Variants in LYPLAL1 observed in about 807,000 individuals in gnomAD.
The protein encoded by LYPLAL1 is lysophospholipase-like protein 1.
A neutral mutation model predicts 19.7 loss-of-function variants in LYPLAL1; 23 were observed. The ratio of observed to expected loss-of-function variants is 1.17; its 90% CI spans 0.84 to 1.65. LYPLAL1 has a LOEUF of 1.65. Ranked by LOEUF, LYPLAL1 falls within the 40% of genes most tolerant of loss-of-function variation. The pLI is 0.00. For synonymous variants in LYPLAL1, 119 were observed against 96.3 expected (o/e 1.24, Z -1.38); for missense variants, 355 against 279.4 (o/e 1.27, Z -1.93).
chr1:219,370,708 A>G, the LYPLAL1 span, among the ~76,000 whole-genome samples: 1 of 152,220 alleles, frequency 6.6e-6, no homozygotes, highest in Non-Finnish European at 1.5e-5. Context: ...CCTCTCAGAC[A>G]TGTGCTTTTG....
chr1:219,441,408 C>T, the LYPLAL1 span, among the ~76,000 whole-genome samples: 1 of 151,924 alleles, frequency 6.6e-6, no homozygotes, highest in Non-Finnish European at 1.5e-5. Context: ...TTGAAATAAT[C>T]CAGGTAATTG....
the LYPLAL1 span, among the ~76,000 whole-genome samples, chr1:219,434,957 C>T: frequency 6.6e-6 from 1 of 151,974 alleles, no homozygotes. Flanking sequence ...CCCATGTCCC[C>T]TCATCATGGG....
At chr1:219,386,711 T>C in the LYPLAL1 span, among the ~76,000 whole-genome samples, 2 of 152,218 alleles carry the variant, frequency 1.3e-5, no homozygotes, top group African/African-American at 4.8e-5. Context: ...TCAAGCTCAA[T>C]AGAAACAGAA....
chr1:219,313,567 C>G, the LYPLAL1 span, among the ~76,000 whole-genome samples: 1 of 151,550 alleles, frequency 6.6e-6, no homozygotes. Flanking sequence ...CTCTGTCACC[C>G]AGGCTGGAGT....
At position 219,206,922 on chromosome 1, in the gene LYPLAL1, C is replaced by T. The variant is rs959627843; in HGVS notation, c.362-3610C>T. 5.9e-5 allele frequency among the ~76,000 whole-genome samples: 9 copies of T among 152,024 alleles called. No individual in the cohort carries two copies. In the East Asian group the frequency reaches 1.5e-3, roughly 26 times the overall value. ...CATTTTATCTTTTAATGATCTTTAT[C>T]TTAGCCTCAAAATTATCTATGAAAT... On this transcript the variant is annotated intron_variant, in intron 3 of 4. Coordinates refer to ENST00000366928, the MANE Select transcript of LYPLAL1 (RefSeq NM_138794.5).
the LYPLAL1 span, among the ~76,000 whole-genome samples, chr1:219,396,162 A>G: frequency 6.6e-6 from 1 of 151,288 alleles, no homozygotes; most frequent in South Asian, 2.1e-4. Context: ...CTAGTCAGTT[A>G]TCCCAGCATC....
the LYPLAL1 span, among the ~76,000 whole-genome samples, chr1:219,313,746 G>A: frequency 5.3e-5 from 8 of 152,148 alleles, no homozygotes; most frequent in African/African-American, 1.4e-4. Flanking sequence ...TGTTGGCCAG[G>A]CTGGTCTCCA....
chr1:219,422,896 T>C, the LYPLAL1 span, among the ~76,000 whole-genome samples: 9 of 152,134 alleles, frequency 5.9e-5, no homozygotes, highest in African/African-American at 2.2e-4. Flanking sequence ...TCATCTTTGG[T>C]CATTCACTTA....
chr1:219,250,143 G>A, the LYPLAL1 span, among the ~76,000 whole-genome samples: 1 of 151,920 alleles, frequency 6.6e-6, no homozygotes, highest in Admixed American at 6.6e-5. Flanking sequence ...GTGTTTAAAA[G>A]CTTAAGTATA....
chr1:219,234,903 A>G, the LYPLAL1 span, among the ~76,000 whole-genome samples: 1 of 152,176 alleles, frequency 6.6e-6, no homozygotes, highest in African/African-American at 2.4e-5. Flanking sequence ...GCAAACTGAG[A>G]ATTTCATCTT....
At chr1:219,344,699 C>T in the LYPLAL1 span, among the ~76,000 whole-genome samples, 1 of 152,146 alleles carries the variant, frequency 6.6e-6, no homozygotes, top group Non-Finnish European at 1.5e-5. Flanking sequence ...CTTTGACATC[C>T]CCAGACTTCC....
At chr1:219,418,377 C>G in the LYPLAL1 span, among the ~76,000 whole-genome samples, 1 of 152,178 alleles carries the variant, frequency 6.6e-6, no homozygotes. Context: ...CCATTAGGCT[C>G]TAGGCCCAAT....
At chr1:219,377,772 T>C in the LYPLAL1 span, among the ~76,000 whole-genome samples, 2 of 152,200 alleles carry the variant, frequency 1.3e-5, no homozygotes, top group East Asian at 1.9e-4. Context: ...ATGACCCGAC[T>C]CTTACATCTT....
At chr1:219,440,926 G>T in the LYPLAL1 span, among the ~76,000 whole-genome samples, 3 of 152,136 alleles carry the variant, frequency 2.0e-5, no homozygotes, top group African/African-American at 7.2e-5. Flanking sequence ...TGCCCTAATA[G>T]AGGCTCACAG....
chr1:219,245,580 T>C, the LYPLAL1 span, among the ~76,000 whole-genome samples: 1 of 152,230 alleles, frequency 6.6e-6, no homozygotes, highest in African/African-American at 2.4e-5. Context: ...AGTTTTACTT[T>C]AATCATGTCC....
At chr1:219,427,333 A>G in the LYPLAL1 span, among the ~76,000 whole-genome samples, 1 of 152,242 alleles carries the variant, frequency 6.6e-6, no homozygotes, top group Non-Finnish European at 1.5e-5. Context: ...TAGAGAGAAC[A>G]TAAATATGAA....
At chr1:219,215,890 T>G (rs992646983), downstream of LYPLAL1, among the ~76,000 whole-genome samples, 2 of 152,186 alleles carry the variant, frequency 1.3e-5, no homozygotes, top group Non-Finnish European at 1.5e-5. Context: ...GGTGAAAGAA[T>G]AAGATTCCCT....
chr1:219,336,116 T>G, the LYPLAL1 span, among the ~76,000 whole-genome samples: 1 of 151,370 alleles, frequency 6.6e-6, no homozygotes, highest in East Asian at 2.0e-4. Flanking sequence ...TTGGCACAGG[T>G]GTTACATCAA....
the LYPLAL1 span, among the ~76,000 whole-genome samples, chr1:219,315,376 A>G: frequency 6.6e-6 from 1 of 152,130 alleles, no homozygotes; most frequent in African/African-American, 2.4e-5. Context: ...ATCTTCGCCT[A>G]GAAAATTTGA....
Sources: allele counts gnomAD v4.1 joint callset (sites outside exome capture counted in the v4.1 genomes callset), GRCh38; gene constraint gnomAD v4.1.1; transcripts MANE v1.5; gene names NCBI Gene and HGNC (gene_info 2026-07-23, HGNC 2026-07-21).